The following DNM3 variants were observed in gnomAD, a reference collection of about 807,000 sequenced individuals.
DNM3 encodes dynamin-3.
DNM3 carries 47 observed loss-of-function variants against 101.6 expected under a neutral mutation model. That is an observed-to-expected ratio of 0.46 (90% CI 0.37 to 0.59). The LOEUF is 0.59. Among genes scored for constraint, DNM3 ranks in the 20% least tolerant of loss-of-function variants. DNM3 has a pLI of 0.00. For synonymous variants in DNM3, 385 were observed against 387.9 expected (o/e 0.99, Z 0.09); for missense variants, 849 against 1,085.7 (o/e 0.78, Z 3.06).
intron 6 of DNM3, among the ~76,000 whole-genome samples, chr1:172,035,549 G>A (rs956897259): frequency 3.9e-5 from 6 of 152,182 alleles, no homozygotes; most frequent in African/African-American, 1.4e-4. Flanking sequence ...AGAAAAATGA[G>A]AGGAGCTGGA....
intron 1 of DNM3, among the ~76,000 whole-genome samples, chr1:171,877,975 C>G (rs1260713307): frequency 6.6e-5 from 10 of 152,142 alleles, no homozygotes; most frequent in African/African-American, 1.9e-4. Context: ...GCTTCGTTGA[C>G]TCATTTAGAG....
chr1:171,995,717 G>T (rs1325024818), intron 4 of DNM3, among the ~76,000 whole-genome samples: 1 of 152,136 alleles, frequency 6.6e-6, no homozygotes, highest in Admixed American at 6.5e-5. Flanking sequence ...GGTTGACTGT[G>T]CAAGTGGCCT....
At chr1:172,327,833 T>A (rs2066001828) in intron 17 of DNM3, among the ~76,000 whole-genome samples, 1 of 152,136 alleles carries the variant, frequency 6.6e-6, no homozygotes. Flanking sequence ...GTTATTTTAG[T>A]TCCATGTGAA....
intron 1 of DNM3, among the ~76,000 whole-genome samples, chr1:171,893,634 T>A (rs1270315866): frequency 6.6e-6 from 1 of 152,078 alleles, no homozygotes; most frequent in Non-Finnish European, 1.5e-5. Context: ...AACAATTTTT[T>A]TGTAGAGATG....
intron 15 of DNM3, among the ~76,000 whole-genome samples, chr1:172,255,633 A>C (rs2148694120): frequency 6.6e-6 from 1 of 152,272 alleles, no homozygotes; most frequent in African/African-American, 2.4e-5. Context: ...GGAGTTCTAA[A>C]AAGGTATTGA....
At chr1:171,887,958 T>C (rs1236577127) in intron 1 of DNM3, among the ~76,000 whole-genome samples, 1 of 152,070 alleles carries the variant, frequency 6.6e-6, no homozygotes, top group African/African-American at 2.4e-5. Context: ...TTTTTGAAAG[T>C]CAAAAAGGAT....
At chr1:172,108,716 G>C (rs2055245739) in intron 13 of DNM3, among the ~76,000 whole-genome samples, 1 of 152,190 alleles carries the variant, frequency 6.6e-6, no homozygotes, top group Admixed American at 6.5e-5. Flanking sequence ...TCCCTATCCA[G>C]GAAATGAGTG....
At chr1:171,895,389 G>A (rs1245764702) in intron 1 of DNM3, among the ~76,000 whole-genome samples, 1 of 152,208 alleles carries the variant, frequency 6.6e-6, no homozygotes. Context: ...GATGACTAGT[G>A]ATGATGAGCA....
intron 13 of DNM3, among the ~76,000 whole-genome samples, chr1:172,125,195 A>G (rs917988695): frequency 6.6e-6 from 1 of 152,186 alleles, no homozygotes; most frequent in Non-Finnish European, 1.5e-5. Context: ...CATGGATTAT[A>G]ACCTTTATCT....
At chr1:171,963,776 A>ATG (rs1189678815) in intron 2 of DNM3, among the ~76,000 whole-genome samples, 1 of 150,358 alleles carries the variant, frequency 6.7e-6, no homozygotes, top group East Asian at 1.9e-4. Flanking sequence ...ACGTATATAT[A>ATG]TATATAAAAT....
intron 18 of DNM3, among the ~76,000 whole-genome samples, chr1:172,379,877 C>A (rs539520162): frequency 7.9e-5 from 12 of 151,886 alleles, no homozygotes; most frequent in Non-Finnish European, 1.6e-4. Context: ...ACAAATAATA[C>A]CACAAGTTAT....
chr1:172,341,382 T>C (rs2066680560), intron 17 of DNM3, among the ~76,000 whole-genome samples: 1 of 151,952 alleles, frequency 6.6e-6, no homozygotes. Flanking sequence ...ATTGGAAAAA[T>C]CTAGTATAAA....
At chr1:172,026,627 C>A (rs1220513465) in intron 4 of DNM3, among the ~76,000 whole-genome samples, 2 of 151,364 alleles carry the variant, frequency 1.3e-5, no homozygotes, top group Admixed American at 1.3e-4. Context: ...ACCCTACAAG[C>A]CAGAAGAGAG....
chr1:172,352,864 A>G (rs182985128), intron 17 of DNM3, among the ~76,000 whole-genome samples: 1 of 152,336 alleles, frequency 6.6e-6, no homozygotes, highest in East Asian at 1.9e-4. Context: ...GGAGGACTTA[A>G]GTAAATAAAA....
At chr1:172,390,613 C>T (rs962668515) in intron 20 of DNM3, among the ~76,000 whole-genome samples, 2 of 152,226 alleles carry the variant, frequency 1.3e-5, no homozygotes, top group Non-Finnish European at 2.9e-5. Context: ...TTCCTCTCCA[C>T]GTGAGAACCA....
At chr1:172,194,610 G>A (rs1474612238) in intron 14 of DNM3, among the ~76,000 whole-genome samples, 3 of 151,862 alleles carry the variant, frequency 2.0e-5, no homozygotes, top group Non-Finnish European at 4.4e-5. Flanking sequence ...TGTACCATTA[G>A]GTAATGACCT....
intron 2 of DNM3, among the ~76,000 whole-genome samples, chr1:171,953,661 T>C (rs1439035074): frequency 6.6e-6 from 1 of 152,078 alleles, no homozygotes; most frequent in Non-Finnish European, 1.5e-5. Flanking sequence ...ACTTCTGACC[T>C]CAGGTGATCT....
chr1:172,246,307 C>T (rs767667318), intron 14 of DNM3, among the ~76,000 whole-genome samples: 1 of 152,158 alleles, frequency 6.6e-6, no homozygotes, highest in Non-Finnish European at 1.5e-5. Flanking sequence ...CAGGTTTCCT[C>T]ATAGCCCCAC....
chr1:172,371,828 ATATTTTTATTTT>A (rs199679792), intron 17 of DNM3, among the ~76,000 whole-genome samples: 21 of 150,592 alleles, frequency 1.4e-4, no homozygotes, highest in South Asian at 4.2e-4. Context: ...AGTCAGGCAG[ATATTTTTATTTT>A]TATTTTTATT....
Sources: gnomAD v4.1 joint callset for allele counts (sites outside exome capture counted in the v4.1 genomes callset) on GRCh38, gnomAD v4.1.1 for gene constraint, MANE v1.5 for transcripts, NCBI Gene and HGNC (gene_info 2026-07-23, HGNC 2026-07-21) for gene names.